The following TRIM36 variants were observed in gnomAD, a reference collection of about 807,000 sequenced individuals.
TRIM36 encodes E3 ubiquitin-protein ligase TRIM36.
Under a neutral mutation model 72.4 loss-of-function variants are expected in TRIM36, and 42 were observed. The observed-to-expected ratio is 0.58, with a 90% CI of 0.45 to 0.75. TRIM36 has a LOEUF of 0.75. Ranked by LOEUF, TRIM36 falls within the 30% of genes least tolerant of loss-of-function variation. The pLI, the probability that TRIM36 is intolerant of heterozygous loss-of-function variation, is 0.00. For missense variants in TRIM36, 913 were observed against 857.1 expected (o/e 1.07, Z -0.81); for synonymous variants, 315 against 282.8 (o/e 1.11, Z -1.14).
At chr5:115,170,094 G>T, upstream of TRIM36, 1 of 515,592 alleles carries the variant, frequency 1.9e-6, no homozygotes, top group Non-Finnish European at 2.5e-6. Flanking sequence ...GTGGCACGCG[G>T]TTGGGACTCG....
At chr5:115,165,977 G>A (rs1366043903) in intron 1 of TRIM36, among the ~76,000 whole-genome samples, 2 of 152,140 alleles carry the variant, frequency 1.3e-5, no homozygotes, top group Non-Finnish European at 2.9e-5. Flanking sequence ...TGCCACCTCA[G>A]CTCCCTCTGG....
chr5:115,130,817 C>T lies in TRIM36; in HGVS notation c.1571G>A (p.Arg524His), dbSNP rs752032230. ...ATTAAATCCAGCTCTACTCTCTACACGGTCTCTCTTCAAGTTCAGCAGGAG... is the reference window on the plus strand; with the variant it reads ...ATTAAATCCAGCTCTACTCTCTACATGGTCTCTCTTCAAGTTCAGCAGGAG... ...EHLLLNLKRD[R>H]VESRAGFNLL... The change falls in exon 9 of 10, where the codon CGT becomes CAT. Residue 524 changes from arginine to histidine, a missense_variant. By Grantham distance (29) the Arg-to-His change is conservative. Transcript: ENST00000513154. The T allele has an allele frequency of 3.8e-5, 61 of 1,614,020 alleles. No homozygotes were observed. The highest frequency in any genetic ancestry group is 1.6e-4 in the East Asian group (7 of 44,898).
At chr5:115,126,964 A>G (rs1752391102) in intron 9 of TRIM36, 107 bp from the exon 10 acceptor site, 1 of 1,126,500 alleles carries the variant, frequency 8.9e-7, no homozygotes, top group Admixed American at 2.9e-5. Flanking sequence ...TAGTTTTTAC[A>G]TCAAAAGCTT....
At chr5:115,171,817 T>C (rs1160243934), upstream of TRIM36, among the ~76,000 whole-genome samples, 2 of 152,230 alleles carry the variant, frequency 1.3e-5, no homozygotes, top group African/African-American at 2.4e-5. Context: ...GGCAAAACTG[T>C]GTCTCCAAAA....
upstream of TRIM36, chr5:115,171,309 C>T: frequency 6.4e-7 from 1 of 1,564,386 alleles, no homozygotes; most frequent in Non-Finnish European, 8.7e-7. Context: ...ATGAGGTGAA[C>T]AGAGGACGAA....
Position 115,130,725 on chromosome 5 carries a change from T to C in TRIM36, c.1663A>G (p.Thr555Ala), listed in dbSNP as rs148167239. 1,254 of 1,614,180 alleles carry C rather than the reference T, an allele frequency of 7.8e-4. 1 individual carries two copies. The highest frequency in any genetic ancestry group is 1.2e-3 in the South Asian group (106 of 91,082). Reference protein sequence around the residue: ...YTSLDYIIGDTGITKGKHFWA... With the variant: ...YTSLDYIIGDAGITKGKHFWA... ...AAGTGTTTTCCTTTTGTAATGCCAG[T>C]ATCTCCAATGATGTAGTCTAAGCTT... Residue 555 changes from threonine to alanine, a missense_variant, in exon 9 of 10, where the codon ACT (threonine) becomes GCT (alanine). Physicochemically the swap from Thr to Ala is moderately conservative, Grantham distance 58. Transcript: ENST00000513154.
At chr5:115,144,234 T>C (rs1022163975) in intron 4 of TRIM36, among the ~76,000 whole-genome samples, 6 of 152,094 alleles carry the variant, frequency 3.9e-5, no homozygotes, top group Non-Finnish European at 8.8e-5. Flanking sequence ...AGGCAAGAAA[T>C]AAGAATCAAG....
intron 7 of TRIM36, among the ~76,000 whole-genome samples, chr5:115,134,500 A>C (rs1752860815): frequency 6.6e-6 from 1 of 151,904 alleles, no homozygotes; most frequent in Admixed American, 6.6e-5. Flanking sequence ...CTATTATTTT[A>C]ATATTTTAAA....
intron 4 of TRIM36, 21 bp from the exon 5 acceptor site, chr5:115,141,395 C>T (rs1340824925): frequency 1.3e-6 from 2 of 1,530,262 alleles, no homozygotes; most frequent in African/African-American, 1.4e-5. Context: ...ATATTCGTAA[C>T]ACAAATAGAC....
At position 115,165,181 on chromosome 5, in the gene TRIM36, C is replaced by T. The variant is rs557425239; in HGVS notation, c.28-1429G>A. On this transcript the variant is annotated intron_variant, in intron 1 of 9. Transcript: ENST00000513154. ...ATTGAGTATCTGCAGGTTTCCCAGG[C>T]GCATGATGAAAGCTGTTGGTGGATC... 4.8e-4 allele frequency among the ~76,000 whole-genome samples: 73 copies of T among 152,264 alleles called. 1 individual carries two copies. The highest frequency in any genetic ancestry group is 1.5e-3 in the African/African-American group (63 of 41,552).
chr5:115,156,419 C>T (rs1754184582), intron 2 of TRIM36, among the ~76,000 whole-genome samples: 1 of 152,174 alleles, frequency 6.6e-6, no homozygotes, highest in African/African-American at 2.4e-5. Context: ...TCAAACTATA[C>T]TGTAAGGCCA....
intron 2 of TRIM36, among the ~76,000 whole-genome samples, chr5:115,149,816 T>C (rs1753792726): frequency 6.6e-6 from 1 of 152,106 alleles, no homozygotes; most frequent in Non-Finnish European, 1.5e-5. Context: ...TGGAGTGCAG[T>C]GGCGCGATCT....
At chr5:115,175,572 A>G (rs916843221) in intron 1 of TRIM36, among the ~76,000 whole-genome samples, 3 of 152,204 alleles carry the variant, frequency 2.0e-5, no homozygotes, top group African/African-American at 7.2e-5. Context: ...CCCACAGGTG[A>G]GTATACAACA....
chr5:115,137,695 C>T lies in TRIM36; in HGVS notation c.832-79G>A. ...TCTGCTAAACCCAAATGGCTTTCCACAAAGTTCTACATAATTACATTTCAT... is the reference window on the plus strand; with the variant it reads ...TCTGCTAAACCCAAATGGCTTTCCATAAAGTTCTACATAATTACATTTCAT... On this transcript the variant is annotated intron_variant, in intron 5 of 9. Transcript: ENST00000513154. 2.1e-6 allele frequency: 3 copies of T among 1,408,634 alleles called. No individual in the cohort carries two copies. In the South Asian group the frequency reaches 4.5e-5, roughly 21 times the overall value. 87.3% of individuals were successfully genotyped at this position (1,408,634 alleles called of 1,614,324 possible).
chr5:115,141,436 ATT>A, intron 4 of TRIM36, 62 bp from the exon 5 acceptor site: 1 of 1,176,522 alleles, frequency 8.5e-7, no homozygotes, highest in East Asian at 2.6e-5. Context: ...ACTTTGCAGA[ATT>A]TTTTTTTAAT....
At chr5:115,152,052 G>C (rs1461958276) in intron 2 of TRIM36, among the ~76,000 whole-genome samples, 1 of 152,110 alleles carries the variant, frequency 6.6e-6, no homozygotes, top group Non-Finnish European at 1.5e-5. Flanking sequence ...AAAGAATCCA[G>C]AAGGTTACTA....
At chr5:115,180,102 T>C (rs1755551544) in exon 1 of TRIM36, 1 of 1,529,854 alleles carries the variant, frequency 6.5e-7, no homozygotes, top group South Asian at 1.1e-5. Context: ...CTTTCTTTTC[T>C]CTTTTTCTGT....
intron 8 of TRIM36, among the ~76,000 whole-genome samples, chr5:115,131,192 A>G (rs1238281420): frequency 1.3e-5 from 2 of 152,220 alleles, no homozygotes; most frequent in East Asian, 1.9e-4. Context: ...GGTATTTCAC[A>G]CTATTGAATT....
intron 1 of TRIM36, chr5:115,177,496 C>A: frequency 7.9e-7 from 1 of 1,264,936 alleles, no homozygotes; most frequent in Non-Finnish European, 1.0e-6. Context: ...AAAGTGGAAC[C>A]GAACCCCACA....
Sources: allele counts gnomAD v4.1 joint callset (sites outside exome capture counted in the v4.1 genomes callset), GRCh38; gene constraint gnomAD v4.1.1; transcripts MANE v1.5; gene names NCBI Gene and HGNC (gene_info 2026-07-23, HGNC 2026-07-21).